The following EML6 variants were observed in gnomAD, a reference collection of about 807,000 sequenced individuals.
EML6 encodes echinoderm microtubule-associated protein-like 6.
A neutral mutation model predicts 240.1 loss-of-function variants in EML6; 154 were observed. The observed-to-expected ratio is 0.64, with a 90% CI of 0.56 to 0.73. EML6 has a LOEUF of 0.73. EML6 is among the 30% of genes least tolerant of loss of function. The pLI, the probability that EML6 is intolerant of heterozygous loss-of-function variation, is 0.00. For synonymous variants in EML6, 1,148 were observed against 899.0 expected (o/e 1.28, Z -4.95); for missense variants, 2,964 against 2,474.6 (o/e 1.20, Z -4.20).
At chr2:54,764,264 A>G (rs904990929) in intron 2 of EML6, among the ~76,000 whole-genome samples, 3 of 152,224 alleles carry the variant, frequency 2.0e-5, no homozygotes, top group African/African-American at 7.2e-5. Flanking sequence ...AAACTGGCAC[A>G]AAGTAGACAT....
intron 25 of EML6, among the ~76,000 whole-genome samples, chr2:54,912,512 C>T (rs1673695608): frequency 6.6e-6 from 1 of 152,164 alleles, no homozygotes; most frequent in Non-Finnish European, 1.5e-5. Flanking sequence ...TTGCATCACC[C>T]AGGTAGAGAG....
chr2:54,902,895 A>C lies in EML6; in HGVS notation c.3125-149A>C, dbSNP rs768382579. On this transcript the variant is annotated intron_variant, in intron 22 of 41. Coordinates refer to ENST00000356458, the MANE Select transcript of EML6 (RefSeq NM_001039753.4). ...CAGACAAGAGGTGTCTTAAATTAGGAAGTTTTAGTTCTCACAAGTGTAGTG... is the reference window on the plus strand; with the variant it reads ...CAGACAAGAGGTGTCTTAAATTAGGCAGTTTTAGTTCTCACAAGTGTAGTG... 4 of 680,120 alleles carry C rather than the reference A, an allele frequency of 5.9e-6. No homozygotes were observed. In the Admixed American group the frequency reaches 1.2e-4, roughly 21 times the overall value. 42.1% of individuals were successfully genotyped at this position (680,120 alleles called of 1,614,324 possible).
chr2:54,832,749 C>T (rs1229382978), intron 7 of EML6, among the ~76,000 whole-genome samples: 2 of 151,616 alleles, frequency 1.3e-5, no homozygotes, highest in Admixed American at 6.6e-5. Flanking sequence ...CCCACCCCCC[C>T]GCCAACCCCT....
intron 21 of EML6, among the ~76,000 whole-genome samples, chr2:54,895,623 C>A (rs116304415): frequency 0.014 from 2,102 of 152,330 alleles, 39 homozygotes; most frequent in African/African-American, 0.032. Context: ...GGAATCTGAG[C>A]ACAGCTTAAC....
At chr2:54,965,452 A>C (rs1676706718) in intron 38 of EML6, among the ~76,000 whole-genome samples, 1 of 152,214 alleles carries the variant, frequency 6.6e-6, no homozygotes, top group African/African-American at 2.4e-5. Flanking sequence ...CCATTTCTCA[A>C]GACAGGGGAA....
intron 2 of EML6, among the ~76,000 whole-genome samples, chr2:54,777,333 G>T (rs990414845): frequency 6.6e-6 from 1 of 152,204 alleles, no homozygotes; most frequent in African/African-American, 2.4e-5. Context: ...TGCTCTGCAG[G>T]ATATCATTTA....
intron 28 of EML6, among the ~76,000 whole-genome samples, chr2:54,945,749 C>A (rs1288397958): frequency 6.6e-6 from 1 of 152,370 alleles, no homozygotes; most frequent in East Asian, 1.9e-4. Context: ...GGGACAAGTA[C>A]CCAGGCATTG....
At position 54,960,275 on chromosome 2, in the gene EML6, G is replaced by T; in HGVS notation, c.4909G>T (p.Ala1637Ser). 6.4e-7 allele frequency: 1 copy of T among 1,551,546 alleles called. No individual in the cohort carries two copies. Among genetic ancestry groups the T allele is most frequent in the Non-Finnish European group, 8.7e-7 (1 of 1,146,950 alleles). Reference sequence around the variant, plus strand: ...GGACCAGGAGATGAAGCGCTGCCGGGCCTTTCAGCTGGAGACCGGGCAGCT... The same window carrying T: ...GGACCAGGAGATGAAGCGCTGCCGGTCCTTTCAGCTGGAGACCGGGCAGCT... Reference protein sequence around the residue: ...LWDQEMKRCRAFQLETGQLVE... With the variant: ...LWDQEMKRCRSFQLETGQLVE... Residue 1637 changes from alanine (A) to serine (S), a missense_variant, in exon 35 of 42, where the codon GCC becomes TCC. Transcript: ENST00000356458.
chr2:54,904,425 C>T (rs1489878601), intron 24 of EML6, among the ~76,000 whole-genome samples: 1 of 152,114 alleles, frequency 6.6e-6, no homozygotes, highest in Non-Finnish European at 1.5e-5. Context: ...AAGCACCAAG[C>T]CCAATGTATG....
At chr2:54,805,934 C>G (rs900622033) in intron 2 of EML6, among the ~76,000 whole-genome samples, 1 of 152,110 alleles carries the variant, frequency 6.6e-6, no homozygotes, top group African/African-American at 2.4e-5. Context: ...TATCTTAACA[C>G]TTTTGCTGGA....
intron 17 of EML6, 26 bp from the exon 18 acceptor site, chr2:54,891,028 T>C: frequency 8.6e-7 from 1 of 1,167,078 alleles, no homozygotes. Flanking sequence ...CAAACTAGAA[T>C]CTTATTTCCT....
intron 13 of EML6, among the ~76,000 whole-genome samples, 160 bp downstream of exon 13, chr2:54,864,049 G>A (rs6727286): frequency 0.039 from 5,986 of 152,222 alleles, 409 homozygotes; most frequent in African/African-American, 0.13. Context: ...GGTTAAAACC[G>A]ACGTGTTTAC....
intron 2 of EML6, among the ~76,000 whole-genome samples, chr2:54,805,879 G>A (rs150502140): frequency 6.6e-6 from 1 of 152,054 alleles, no homozygotes; most frequent in Non-Finnish European, 1.5e-5. Flanking sequence ...ATACCTAGTT[G>A]TTCCAGCACT....
intron 2 of EML6, among the ~76,000 whole-genome samples, chr2:54,789,383 G>T (rs991937021): frequency 2.0e-5 from 3 of 151,020 alleles, no homozygotes; most frequent in South Asian, 2.1e-4. Context: ...GCGTGATGGC[G>T]GGCGCCTGTA....
At chr2:54,899,886 C>G in intron 22 of EML6, 104 bp downstream of exon 22, 1 of 1,112,602 alleles carries the variant, frequency 9.0e-7, no homozygotes, top group Non-Finnish European at 1.3e-6. Flanking sequence ...TGTTATATGC[C>G]CATAAATATG....
chr2:54,941,228 C>A (rs1401133422), intron 28 of EML6, among the ~76,000 whole-genome samples: 1 of 152,158 alleles, frequency 6.6e-6, no homozygotes, highest in African/African-American at 2.4e-5. Context: ...GCATATCTTT[C>A]ACCTCGAACA....
intron 12 of EML6, among the ~76,000 whole-genome samples, chr2:54,863,302 A>G (rs1415251329): frequency 2.0e-5 from 3 of 152,212 alleles, no homozygotes; most frequent in Non-Finnish European, 4.4e-5. Flanking sequence ...CTGCTATCTA[A>G]TAGAAATGTG....
intron 17 of EML6, 57 bp downstream of exon 17, chr2:54,879,697 C>A (rs1558642968): frequency 3.0e-6 from 3 of 999,818 alleles, no homozygotes; most frequent in South Asian, 3.0e-5. Context: ...CAGTAAAGGT[C>A]AATAGTTTTC....
intron 38 of EML6, chr2:54,966,634 G>C (rs559857279): frequency 8.1e-5 from 13 of 161,428 alleles, no homozygotes; most frequent in African/African-American, 3.1e-4. Context: ...CTTTGTTACA[G>C]CAGAGACTGC....
Sources: gnomAD v4.1 joint callset for allele counts (sites outside exome capture counted in the v4.1 genomes callset) on GRCh38, gnomAD v4.1.1 for gene constraint, MANE v1.5 for transcripts, NCBI Gene and HGNC (gene_info 2026-07-23, HGNC 2026-07-21) for gene names.